NRP2: variants seen among roughly 807,000 people sequenced by gnomAD.
The protein encoded by NRP2 is neuropilin 2.
Under a neutral mutation model 110.4 loss-of-function variants are expected in NRP2, and 52 were observed. The observed-to-expected ratio is 0.47, with a 90% CI of 0.38 to 0.59. The LOEUF (loss-of-function observed/expected upper bound fraction) is 0.59. Among genes scored for constraint, NRP2 ranks in the 20% least tolerant of loss-of-function variants. The probability of loss-of-function intolerance (pLI) is 0.00; values close to 1 mark genes in which losing one functional copy is unlikely to be tolerated. For missense variants in NRP2, 1,049 were observed against 1,203.0 expected, an observed-to-expected ratio of 0.87 and a Z score of 1.89; for synonymous variants, 508 against 468.9, an observed-to-expected ratio of 1.08 and a Z score of -1.08.
intron 15 of NRP2, among the ~76,000 whole-genome samples, chr2:205,779,988 A>C (rs1258589292): frequency 6.6e-6 from 1 of 152,242 alleles, no homozygotes; most frequent in Admixed American, 6.5e-5. Context: ...AAATTGCTAA[A>C]TGAGATTCCA....
chr2:205,711,849 G>C (rs1465779796), intron 2 of NRP2, among the ~76,000 whole-genome samples: 2 of 152,186 alleles, frequency 1.3e-5, no homozygotes, highest in African/African-American at 4.8e-5. Context: ...ACCTAAGCTT[G>C]GTGAATCTTC....
At chr2:205,790,908 A>T (rs1457711544) in intron 15 of NRP2, among the ~76,000 whole-genome samples, 1 of 152,226 alleles carries the variant, frequency 6.6e-6, no homozygotes, top group Non-Finnish European at 1.5e-5. Flanking sequence ...GATTAGTGCC[A>T]TGTGGCATCA....
chr2:205,726,095 A>C lies in NRP2; in HGVS notation c.990+13A>C. The C allele has an allele frequency of 6.2e-7, 1 of 1,614,096 alleles. No homozygotes were observed. Among genetic ancestry groups the C allele is most frequent in the Admixed American group, 1.7e-5 (1 of 60,032 alleles). On this transcript the variant is annotated intron_variant, in intron 6 of 16. Coordinates refer to ENST00000357785, the MANE Select transcript of NRP2 (RefSeq NM_003872.3). Reference sequence around the variant, plus strand: ...GGAGTATCTCCAGGTACTTGTGCAGATACCAGAGGATGTGAGAGTGTGTAT... The same window carrying C: ...GGAGTATCTCCAGGTACTTGTGCAGCTACCAGAGGATGTGAGAGTGTGTAT...
At chr2:205,720,262 CTTT>C (rs202203741) in intron 3 of NRP2, among the ~76,000 whole-genome samples, 6 of 129,166 alleles carry the variant, frequency 4.6e-5, no homozygotes, top group Admixed American at 7.8e-5. Flanking sequence ...TTTTTTCTTT[CTTT>C]TTTTTTTTTT....
intron 2 of NRP2, among the ~76,000 whole-genome samples, chr2:205,701,900 A>G (rs1167005343): frequency 3.3e-5 from 5 of 152,210 alleles, no homozygotes; most frequent in South Asian, 2.1e-4. Flanking sequence ...AGAGGAGTCA[A>G]CTTTTTCTCA....
intron 7 of NRP2, among the ~76,000 whole-genome samples, chr2:205,732,713 T>G (rs930240202): frequency 6.6e-6 from 1 of 152,222 alleles, no homozygotes; most frequent in Non-Finnish European, 1.5e-5. Flanking sequence ...TTTAAAATCA[T>G]AGGCCTGGAA....
chr2:205,691,547 T>C (rs1286372929), intron 1 of NRP2, among the ~76,000 whole-genome samples: 1 of 152,268 alleles, frequency 6.6e-6, no homozygotes, highest in African/African-American at 2.4e-5. Context: ...GGGTTTCACT[T>C]GCTAACCAAT....
rs201391637 is a variant in NRP2, at chr2:205,716,383, G to T, written c.433+9G>T. ...CGAGATCTTCAAGACAGGTCAGTGTGGTCACACGTAGGGGCCGGGAGATGG... is the reference window on the plus strand; with the variant it reads ...CGAGATCTTCAAGACAGGTCAGTGTTGTCACACGTAGGGGCCGGGAGATGG... On this transcript the variant is annotated intron_variant, in intron 3 of 16. Transcript: ENST00000357785. The T allele has an allele frequency of 3.5e-5, 57 of 1,613,524 alleles. No individual in the cohort carries two copies. The African/African-American group carries it at 5.7e-4, about 16-fold the overall frequency.
At chr2:205,768,537 G>C (rs967789460) in intron 15 of NRP2, 1 of 152,190 alleles carries the variant, frequency 6.6e-6, no homozygotes, top group African/African-American at 2.4e-5. Context: ...TTCCGTAAGA[G>C]AATAAGCAGA....
chr2:205,700,345 G>C (rs2056525805), intron 2 of NRP2, among the ~76,000 whole-genome samples: 1 of 152,196 alleles, frequency 6.6e-6, no homozygotes, highest in Non-Finnish European at 1.5e-5. Context: ...CTTCCCAAAA[G>C]AAAACTGCCT....
Position 205,724,047 on chromosome 2 carries a change from C to T in NRP2, c.820+107C>T, listed in dbSNP as rs150600395. On this transcript the variant is annotated intron_variant, in intron 5 of 16. Transcript: ENST00000357785. ...TATGAGGGAGGAGATGGGAACTCTACGGAATTTATGGTGGCATCTGAGTTT... is the reference window on the plus strand; with the variant it reads ...TATGAGGGAGGAGATGGGAACTCTATGGAATTTATGGTGGCATCTGAGTTT... The T allele has an allele frequency of 8.8e-5, 113 of 1,279,126 alleles. 1 individual carries two copies. In the East Asian group the frequency reaches 2.0e-3, roughly 22 times the overall value. The allele number at this position is 1,279,126 out of a possible 1,614,324, so 79.2% of individuals were successfully genotyped here. A position where few individuals can be genotyped will look rare whatever the true frequency, so the allele number is the denominator to read the frequency against.
chr2:205,692,747 G>A (rs1263099928), intron 1 of NRP2, among the ~76,000 whole-genome samples: 1 of 152,182 alleles, frequency 6.6e-6, no homozygotes, highest in African/African-American at 2.4e-5. Context: ...TAGAACAGGG[G>A]TAGCACCTTG....
chr2:205,688,471 A>G (rs1391706559), intron 1 of NRP2, among the ~76,000 whole-genome samples: 2 of 152,206 alleles, frequency 1.3e-5, no homozygotes, highest in Non-Finnish European at 2.9e-5. Flanking sequence ...TTGATGAGAA[A>G]TGGTCAGAGG....
Position 205,716,287 on chromosome 2 carries a change from T to A in NRP2, c.346T>A (p.Ser116Thr). 2 of 1,614,152 alleles carry A rather than the reference T, an allele frequency of 1.2e-6. No homozygotes were observed. The highest frequency in any genetic ancestry group is 1.7e-6 in the Non-Finnish European group (2 of 1,180,026). The change falls in exon 3 of 17, where the codon TCG becomes ACG. Residue 116 changes from serine (S) to threonine (T), a missense_variant. Transcript: ENST00000357785. The part of the protein sequence containing the change: ...GNIAPPTIIS[S>T]GSMLYIKFTS... The stretch of plus-strand genomic sequence containing the variant: ...CATCGCCCCGCCCACCATCATCTCC[T>A]CGGGCTCCATGCTCTACATCAAGTT...
chr2:205,747,364 A>G (rs1046149567), intron 10 of NRP2, among the ~76,000 whole-genome samples: 1 of 152,188 alleles, frequency 6.6e-6, no homozygotes, highest in African/African-American at 2.4e-5. Flanking sequence ...TCTTAGCTGA[A>G]AAATGGAGAG....
intron 15 of NRP2, among the ~76,000 whole-genome samples, chr2:205,790,271 C>T (rs1307003140): frequency 5.3e-5 from 8 of 152,140 alleles, no homozygotes; most frequent in Non-Finnish European, 1.0e-4. Context: ...GACAAGAGGC[C>T]GTGATCTCCT....
intron 7 of NRP2, among the ~76,000 whole-genome samples, chr2:205,737,426 G>A (rs997442887): frequency 7.9e-5 from 12 of 152,194 alleles, no homozygotes; most frequent in African/African-American, 2.9e-4. Flanking sequence ...GGAGGAAATT[G>A]GGGCCCGAGG....
chr2:205,683,406 C>T (rs746778057), intron 1 of NRP2, 43 bp downstream of exon 1: 2 of 1,465,638 alleles, frequency 1.4e-6, no homozygotes, highest in South Asian at 1.1e-5. Context: ...ACATGGTTTC[C>T]CCTTTAAAAG....
Position 205,763,740 on chromosome 2 carries a change from GC to G in NRP2, c.2117del (p.Pro706LeufsTer70). ...GAGGGCCAGTATGCCCGGCTCATCA[GC>G]CCCCCTGTCCACCTGCCCCGAAGCC... is the stretch of plus-strand genomic sequence containing the variant. ...QREGQYARLI[S>X]PPVHLPRSPV... On this transcript the variant is annotated frameshift_variant, in exon 13 of 17. Transcript: ENST00000357785. LOFTEE classifies it high-confidence loss of function. This position sits in a 1 kb window ranked among gnomAD's most constrained non-coding sequence, Gnocchi z 4.0. The G allele has an allele frequency of 6.2e-7, 1 of 1,614,202 alleles. No homozygotes were observed. The highest frequency in any genetic ancestry group is 8.5e-7 in the Non-Finnish European group (1 of 1,180,028).
Sources: gnomAD v4.1 joint callset for allele counts (sites outside exome capture counted in the v4.1 genomes callset) on GRCh38, gnomAD v4.1.1 for gene constraint, Gnocchi (gnomAD v3.1) non-coding constraint, MANE v1.5 for transcripts, NCBI Gene and HGNC (gene_info 2026-07-23, HGNC 2026-07-21) for gene names.